ITGAM: variants seen among roughly 807,000 people sequenced by gnomAD.
The protein encoded by ITGAM is integrin subunit alpha M, also known as integrin alpha-M.
Under a neutral mutation model 137.5 loss-of-function variants are expected in ITGAM, and 79 were observed. The observed-to-expected ratio is 0.57, with a 90% CI of 0.48 to 0.69. The LOEUF (loss-of-function observed/expected upper bound fraction) is 0.69. ITGAM is among the 30% of genes least tolerant of loss of function. The pLI is 0.00. For missense variants in ITGAM, 1,343 were observed against 1,483.5 expected (o/e 0.91, Z 1.56); for synonymous variants, 583 against 592.3 (o/e 0.98, Z 0.23).
intron 14 of ITGAM, among the ~76,000 whole-genome samples, chr16:31,320,922 C>G (rs775782706): frequency 3.3e-5 from 5 of 152,132 alleles, no homozygotes; most frequent in Non-Finnish European, 7.3e-5. Flanking sequence ...ACCTATAATC[C>G]TAGCACTTGA....
In ITGAM at chr16:31,297,779, G is replaced by C. The variant is rs765696353; in HGVS notation, c.1532G>C (p.Gly511Ala). ...ARWQCDAVLYGEQGQPWGRFG... is the reference protein window; with the variant it reads ...ARWQCDAVLYAEQGQPWGRFG... ...TGGCAGTGTGATGCTGTTCTCTACG[G>C]GGAGCAGGGCCAACCCTGGGGCCGC... Residue 511 changes from glycine (G) to alanine (A), a missense_variant, in exon 14 of 30, where the codon GGG becomes GCG. Physicochemically the swap from Gly to Ala is moderately conservative, Grantham distance 60. Coordinates refer to ENST00000544665, the MANE Select transcript of ITGAM (RefSeq NM_000632.4). The C allele has an allele frequency of 4.4e-6, 7 of 1,604,252 alleles. No individual in the cohort carries two copies. In the Admixed American group the frequency reaches 1.1e-4, roughly 24 times the overall value.
chr16:31,271,441 C>A (rs2079838800), intron 6 of ITGAM, among the ~76,000 whole-genome samples: 1 of 152,222 alleles, frequency 6.6e-6, no homozygotes, highest in African/African-American at 2.4e-5. Flanking sequence ...CAACCTCCGC[C>A]TCCCGGGTTC....
intron 5 of ITGAM, among the ~76,000 whole-genome samples, chr16:31,270,738 TATATA>T (rs1188446949): frequency 0.011 from 1,212 of 115,030 alleles, 11 homozygotes; most frequent in Non-Finnish European, 0.018. Flanking sequence ...TATATATATA[TATATA>T]TGTTTTTAAC....
At chr16:31,328,654 T>G (rs1050697753) in intron 23 of ITGAM, among the ~76,000 whole-genome samples, 2 of 150,528 alleles carry the variant, frequency 1.3e-5, no homozygotes, top group Non-Finnish European at 3.0e-5. Context: ...TGTGTGTGTC[T>G]GAGGATATAT....
At chr16:31,270,148 CTTTCCTT>C (rs1567248348) in intron 5 of ITGAM, among the ~76,000 whole-genome samples, 20 of 66,620 alleles carry the variant, frequency 3.0e-4, no homozygotes, top group African/African-American at 1.2e-3. Flanking sequence ...CTTTCCTTTC[CTTTCCTT>C]TCCTTTCCTT....
intron 16 of ITGAM, 131 bp downstream of exon 16, chr16:31,321,758 C>G (rs2080453566): frequency 3.3e-6 from 3 of 920,988 alleles, no homozygotes; most frequent in Non-Finnish European, 4.8e-6. Context: ...TTCTCCAAGC[C>G]TTACCTGAGT....
intron 14 of ITGAM, among the ~76,000 whole-genome samples, chr16:31,309,638 T>C (rs1421528956): frequency 1.3e-5 from 2 of 152,218 alleles, no homozygotes; most frequent in African/African-American, 4.8e-5. Context: ...AATTGGAACA[T>C]TAAGCCCATT....
chr16:31,283,877 T>C (rs1486856655), intron 12 of ITGAM, among the ~76,000 whole-genome samples: 4 of 152,236 alleles, frequency 2.6e-5, no homozygotes, highest in Admixed American at 1.3e-4. Context: ...CTTTGGTCTT[T>C]GATGATGGTG....
At chr16:31,329,116 C>T in intron 23 of ITGAM, 112 bp from the exon 24 acceptor site, 1 of 691,154 alleles carries the variant, frequency 1.4e-6, no homozygotes, top group Admixed American at 2.1e-5. Context: ...CCCCCCAGGA[C>T]TTCATACCCA....
At chr16:31,283,400 T>C (rs2079991921) in intron 12 of ITGAM, among the ~76,000 whole-genome samples, 1 of 152,242 alleles carries the variant, frequency 6.6e-6, no homozygotes, top group South Asian at 2.1e-4. Context: ...CCATATTTCT[T>C]GGAGGCTTTG....
intron 1 of ITGAM, among the ~76,000 whole-genome samples, chr16:31,260,379 T>C (rs8063978): frequency 0.063 from 9,583 of 152,068 alleles, 1,021 homozygotes; most frequent in African/African-American, 0.22. Flanking sequence ...GTGACATGGC[T>C]CAGGGTGCGC....
chr16:31,267,210 T>G (rs1270735143), intron 5 of ITGAM, among the ~76,000 whole-genome samples: 1 of 152,132 alleles, frequency 6.6e-6, no homozygotes, highest in African/African-American at 2.4e-5. Flanking sequence ...TTCAAGCTGC[T>G]TTTTCCCACT....
chr16:31,262,346 TC>T (rs752695320), intron 2 of ITGAM, among the ~76,000 whole-genome samples: 1 of 37,398 alleles, frequency 2.7e-5, no homozygotes, highest in Non-Finnish European at 6.2e-5. Context: ...CATCCTTCCT[TC>T]CTTCCTTCCT....
chr16:31,279,582 G>A (rs574312222), intron 12 of ITGAM, among the ~76,000 whole-genome samples: 437 of 152,260 alleles, frequency 2.9e-3, no homozygotes, highest in African/African-American at 0.01. Flanking sequence ...TTTTGATGGG[G>A]TTGTTTGATT....
intron 14 of ITGAM, 70 bp downstream of exon 14, chr16:31,298,024 C>T (rs2080155549): frequency 8.0e-7 from 1 of 1,245,246 alleles, no homozygotes. Context: ...TTCAGTGTGC[C>T]CACAGCTGCC....
intron 12 of ITGAM, among the ~76,000 whole-genome samples, chr16:31,282,913 G>A (rs1320496524): frequency 6.6e-6 from 1 of 152,142 alleles, no homozygotes; most frequent in East Asian, 1.9e-4. Flanking sequence ...GGGCAGGCCT[G>A]GTGGTGACAA....
intron 14 of ITGAM, among the ~76,000 whole-genome samples, chr16:31,299,885 G>A (rs2080180741): frequency 7.3e-6 from 1 of 136,840 alleles, no homozygotes. Flanking sequence ...TTTTGACAAA[G>A]TCTTGTTCTG....
rs369344503 is a variant in ITGAM at position 31,329,130 on chromosome 16, C to A, written c.2793-98C>A. On this transcript the variant is annotated intron_variant, in intron 23 of 29. Transcript: ENST00000544665. Reference sequence around the variant, plus strand: ...ACCCCCCAGGACTTCATACCCATTACCCATGTGCCTGTTCGCTCCTTACAC... The same window carrying A: ...ACCCCCCAGGACTTCATACCCATTAACCATGTGCCTGTTCGCTCCTTACAC... The A allele has an allele frequency of 1.0e-5, 5 of 482,078 alleles. No individual in the cohort carries two copies. The Admixed American group carries it at 1.2e-4, about 12-fold the overall frequency. 29.9% of individuals were successfully genotyped at this position (482,078 alleles called of 1,614,324 possible). A position where few individuals can be genotyped will look rare whatever the true frequency, so the allele number is the denominator to read the frequency against.
At chr16:31,310,998 A>G (rs1045187453) in intron 14 of ITGAM, among the ~76,000 whole-genome samples, 2 of 152,178 alleles carry the variant, frequency 1.3e-5, no homozygotes, top group African/African-American at 4.8e-5. Flanking sequence ...CAACTATCTG[A>G]TCTTTGACAA....
Sources: gnomAD v4.1 joint callset for allele counts (sites outside exome capture counted in the v4.1 genomes callset) on GRCh38, gnomAD v4.1.1 for gene constraint, MANE v1.5 for transcripts, NCBI Gene and HGNC (gene_info 2026-07-23, HGNC 2026-07-21) for gene names.